The following GLCE variants were observed in gnomAD, a reference collection of about 807,000 sequenced individuals.
GLCE encodes D-glucuronyl C5-epimerase.
GLCE carries 19 observed loss-of-function variants against 47.9 expected under a neutral mutation model. That is an observed-to-expected ratio of 0.40 (90% CI 0.28 to 0.58). The LOEUF (loss-of-function observed/expected upper bound fraction) is 0.58. Among genes scored for constraint, GLCE ranks in the 20% least tolerant of loss-of-function variants. The pLI is 0.48. For missense variants in GLCE, 556 were observed against 743.3 expected (o/e 0.75, Z 2.93); for synonymous variants, 245 against 263.4 (o/e 0.93, Z 0.68).
rs759660210 is a variant in GLCE, at chr15:69,268,866, T to C, written c.1476T>C (p.Asn492=). The C allele has an allele frequency of 1.9e-6, 3 of 1,614,178 alleles. No homozygotes were observed. The South Asian group carries it at 3.3e-5, about 18-fold the overall frequency. The change falls in exon 5 of 5, where the codon AAT becomes AAC. Residue 492 remains asparagine, a synonymous_variant. Transcript: ENST00000261858. The part of the protein sequence containing the change: ...EQHGVKAVFM[N]KHDWYEEYPT... ...ATGGAGTTAAAGCTGTGTTTATGAA[T>C]AAACATGACTGGTATGAAGAATATC...
chr15:69,257,385 C>T (rs2052941409), intron 3 of GLCE, among the ~76,000 whole-genome samples: 2 of 152,024 alleles, frequency 1.3e-5, no homozygotes, highest in South Asian at 4.2e-4. Flanking sequence ...TCACCCAGGC[C>T]TGGAGTGCAG....
In GLCE at chr15:69,256,323, G is replaced by T. The variant is rs779526526; in HGVS notation, c.517G>T (p.Val173Leu). ...AQRAPYHPDG[V>L]FMSFEGYNVE... ...GAGAGCCCCCTATCACCCCGATGGT[G>T]TGTTTATGTCTTTTGAAGGCTACAA... The change falls in exon 3 of 5, where the codon GTG (valine) becomes TTG (leucine). Residue 173 changes from valine (V) to leucine (L), a missense_variant. Physicochemically the swap from Val to Leu is conservative, Grantham distance 32. Coordinates refer to ENST00000261858, the MANE Select transcript of GLCE (RefSeq NM_015554.3). The T allele has an allele frequency of 4.3e-6, 7 of 1,613,864 alleles. No individual in the cohort carries two copies. In the Admixed American group the frequency reaches 6.7e-5, roughly 15 times the overall value.
At chr15:69,238,357 A>G (rs1033597931) in intron 2 of GLCE, among the ~76,000 whole-genome samples, 4 of 152,066 alleles carry the variant, frequency 2.6e-5, no homozygotes, top group Non-Finnish European at 4.4e-5. Context: ...AAATCCCACT[A>G]TGTGCTCACT....
At chr15:69,208,687 T>G (rs2052184706) in intron 1 of GLCE, among the ~76,000 whole-genome samples, 1 of 152,068 alleles carries the variant, frequency 6.6e-6, no homozygotes, top group South Asian at 2.1e-4. Context: ...TGGAGTTGCA[T>G]TAAATTTCTA....
intron 2 of GLCE, among the ~76,000 whole-genome samples, chr15:69,227,774 G>A (rs1429879765): frequency 6.6e-6 from 1 of 152,128 alleles, no homozygotes; most frequent in East Asian, 1.9e-4. Flanking sequence ...AGCACATTAA[G>A]GAATATAGGT....
chr15:69,184,017 T>A (rs1211571974), intron 1 of GLCE, among the ~76,000 whole-genome samples: 1 of 152,218 alleles, frequency 6.6e-6, no homozygotes, highest in African/African-American at 2.4e-5. Flanking sequence ...CATTATTTGA[T>A]GTTGGAGAAT....
At chr15:69,218,037 G>T (rs990791730) in intron 2 of GLCE, among the ~76,000 whole-genome samples, 3 of 150,856 alleles carry the variant, frequency 2.0e-5, no homozygotes, top group Non-Finnish European at 4.4e-5. Context: ...ACCTGTAATC[G>T]CAGCTACTTG....
chr15:69,228,545 G>A (rs1286455707), intron 2 of GLCE, among the ~76,000 whole-genome samples: 2 of 152,118 alleles, frequency 1.3e-5, no homozygotes, highest in African/African-American at 4.8e-5. Flanking sequence ...AGGCAAGAGA[G>A]AAGAGAAAGA....
At chr15:69,215,468 T>C (rs937405472) in intron 2 of GLCE, among the ~76,000 whole-genome samples, 1 of 152,136 alleles carries the variant, frequency 6.6e-6, no homozygotes, top group Non-Finnish European at 1.5e-5. Flanking sequence ...TATTCATTTA[T>C]CTGTTGTGGG....
At chr15:69,189,691 T>G (rs537010557) in intron 1 of GLCE, among the ~76,000 whole-genome samples, 1 of 152,316 alleles carries the variant, frequency 6.6e-6, no homozygotes, top group East Asian at 1.9e-4. Flanking sequence ...CTATTTCTTT[T>G]CTGTTGTACG....
chr15:69,199,796 A>G (rs2052050060), intron 1 of GLCE, among the ~76,000 whole-genome samples: 1 of 152,076 alleles, frequency 6.6e-6, no homozygotes, highest in Non-Finnish European at 1.5e-5. Context: ...CTTTTGATTT[A>G]ATTGGTATGG....
At chr15:69,171,315 T>G (rs1166156667) in intron 1 of GLCE, among the ~76,000 whole-genome samples, 2 of 152,176 alleles carry the variant, frequency 1.3e-5, no homozygotes, top group Non-Finnish European at 2.9e-5. Flanking sequence ...ATAAATGGTT[T>G]GAGCAACAAG....
chr15:69,227,125 T>A (rs982386813), intron 2 of GLCE, among the ~76,000 whole-genome samples: 1 of 152,148 alleles, frequency 6.6e-6, no homozygotes, highest in Non-Finnish European at 1.5e-5. Context: ...ATATATATAA[T>A]TATTGCCTAA....
chr15:69,213,936 T>C (rs763808137), intron 2 of GLCE, among the ~76,000 whole-genome samples: 1 of 152,172 alleles, frequency 6.6e-6, no homozygotes, highest in Non-Finnish European at 1.5e-5. Flanking sequence ...ATTCTGTTGT[T>C]ATTTATTTTG....
chr15:69,195,386 C>T (rs1353594410), intron 1 of GLCE, among the ~76,000 whole-genome samples: 1 of 151,622 alleles, frequency 6.6e-6, no homozygotes, highest in African/African-American at 2.4e-5. Context: ...GGATGGAAAA[C>T]ACATCAAAGG....
At chr15:69,211,617 C>T (rs1211448881) in intron 2 of GLCE, among the ~76,000 whole-genome samples, 1 of 151,712 alleles carries the variant, frequency 6.6e-6, no homozygotes, top group Non-Finnish European at 1.5e-5. Flanking sequence ...TGCTACCCTC[C>T]TCAGAAGTCT....
intron 1 of GLCE, among the ~76,000 whole-genome samples, chr15:69,204,317 C>T (rs960838274): frequency 8.3e-6 from 1 of 119,912 alleles, no homozygotes; most frequent in South Asian, 2.7e-4. Flanking sequence ...GAATCTCACT[C>T]TGTCACCCAG....
rs767252296 is a variant in GLCE at position 69,177,026 on chromosome 15, CT to C, written c.-105+16284del. Among the ~76,000 whole-genome samples the C allele has an allele frequency of 4.4e-3, 611 of 138,130 alleles. 1 individual carries two copies. The highest frequency in any genetic ancestry group is 0.011 in the Middle Eastern group (3 of 272). 90.6% of individuals were successfully genotyped at this position (138,130 alleles called of 152,430 possible). ...CTGAATCAGGAACATTTCATATTTG[CT>C]TTTTTTTTTTTTTTGAGACAGTCTC... On this transcript the variant is annotated intron_variant, in intron 1 of 4. Transcript: ENST00000261858.
chr15:69,225,094 CA>C (rs1170186787), intron 2 of GLCE, among the ~76,000 whole-genome samples: 1 of 152,068 alleles, frequency 6.6e-6, no homozygotes, highest in Non-Finnish European at 1.5e-5. Flanking sequence ...TACATATACC[CA>C]TAGTGATATA....
Sources: gnomAD v4.1 joint callset for allele counts (sites outside exome capture counted in the v4.1 genomes callset) on GRCh38, gnomAD v4.1.1 for gene constraint, MANE v1.5 for transcripts, NCBI Gene and HGNC (gene_info 2026-07-23, HGNC 2026-07-21) for gene names.